The following CAGE1 variants were observed in gnomAD, a reference collection of about 807,000 sequenced individuals.
The protein encoded by CAGE1 is cancer-associated gene 1 protein.
CAGE1 carries 66 observed loss-of-function variants against 94.9 expected under a neutral mutation model. The ratio of observed to expected loss-of-function variants is 0.70; its 90% CI spans 0.57 to 0.85. The LOEUF (loss-of-function observed/expected upper bound fraction) is 0.85, where lower values mean the gene tolerates loss of function less well. Ranked by LOEUF, CAGE1 falls within the 40% of genes least tolerant of loss-of-function variation. The pLI, the probability that CAGE1 is intolerant of heterozygous loss-of-function variation, is 0.00. For missense variants in CAGE1, 865 were observed against 950.4 expected (o/e 0.91, Z 1.18); for synonymous variants, 319 against 321.0 (o/e 0.99, Z 0.07).
chr6:7,345,446 A>T (rs2477479), intron 11 of CAGE1, among the ~76,000 whole-genome samples: 20,018 of 152,104 alleles, frequency 0.13, 1,552 homozygotes, highest in East Asian at 0.3. Flanking sequence ...TTCATTCTTG[A>T]AGTGAGACCA....
chr6:7,381,037 CCTT>C (rs1263459409), intron 3 of CAGE1, among the ~76,000 whole-genome samples: 1 of 152,166 alleles, frequency 6.6e-6, no homozygotes, highest in Non-Finnish European at 1.5e-5. Context: ...TTTACTGTGA[CCTT>C]CTTAATGTAC....
intron 11 of CAGE1, among the ~76,000 whole-genome samples, chr6:7,337,218 T>C (rs1228561251): frequency 6.6e-6 from 1 of 151,620 alleles, no homozygotes; most frequent in Non-Finnish European, 1.5e-5. Context: ...TCCCAGCTAC[T>C]TGAGAGGCTG....
chr6:7,374,036 C>G lies in CAGE1; in HGVS notation c.783G>C (p.Arg261Ser). ...AAGACCAAGTTGAGACAATTTCTGG[C>G]CTCTCCACACCCTCTGCTGTGACTT... Reference protein sequence around the residue: ...EKEVTAEGVERPEIVSTWSSA... With the variant: ...EKEVTAEGVESPEIVSTWSSA... Residue 261 changes from arginine to serine, a missense_variant, in exon 5 of 14, where the codon AGG becomes AGC. Arg to Ser is a moderately radical substitution (Grantham distance 110, BLOSUM62 -1). Coordinates refer to ENST00000502583, the MANE Select transcript of CAGE1 (RefSeq NM_001170692.2). The G allele has an allele frequency of 6.2e-7, 1 of 1,613,990 alleles. No individual in the cohort carries two copies.
At chr6:7,343,210 A>AAAG (rs1298439565) in intron 11 of CAGE1, among the ~76,000 whole-genome samples, 2 of 151,980 alleles carry the variant, frequency 1.3e-5, no homozygotes, top group East Asian at 3.9e-4. Flanking sequence ...AAAGAAAAGA[A>AAAG]AAGAAAAGAA....
intron 2 of CAGE1, among the ~76,000 whole-genome samples, chr6:7,386,626 G>A (rs550982271): frequency 3.9e-5 from 6 of 152,084 alleles, no homozygotes; most frequent in Admixed American, 6.5e-5. Flanking sequence ...TTGCTCTCTC[G>A]CATAGGCTGG....
chr6:7,368,634 A>G (rs568508002), intron 7 of CAGE1, 54 bp downstream of exon 7: 1 of 946,216 alleles, frequency 1.1e-6, no homozygotes, highest in East Asian at 2.7e-5. Flanking sequence ...CTACCTTTTA[A>G]CTATTTTTTC....
intron 11 of CAGE1, among the ~76,000 whole-genome samples, chr6:7,340,400 C>T (rs1011819899): frequency 4.6e-5 from 7 of 151,988 alleles, no homozygotes; most frequent in African/African-American, 4.8e-5. Context: ...GCTTTTGCTG[C>T]GCAGAAACTT....
chr6:7,384,112 T>C (rs1318533741), intron 3 of CAGE1, among the ~76,000 whole-genome samples: 2 of 152,160 alleles, frequency 1.3e-5, no homozygotes, highest in Admixed American at 1.3e-4. Context: ...ATAGCACTTA[T>C]TGTCGCCCAG....
intron 11 of CAGE1, among the ~76,000 whole-genome samples, chr6:7,349,981 T>G (rs993594940): frequency 1.2e-4 from 18 of 148,886 alleles, no homozygotes; most frequent in African/African-American, 4.5e-4. Flanking sequence ...AAAAAAGAAC[T>G]CATCAACCAA....
chr6:7,345,718 G>A lies in CAGE1; in HGVS notation c.2369+9323C>T, dbSNP rs571305980. The stretch of plus-strand genomic sequence containing the variant: ...TGAGGCGGGCAGATCATGAGGTCAG[G>A]AAATTGAGACCATCCTGGCTGACTA... On this transcript the variant is annotated intron_variant, in intron 11 of 13. Coordinates refer to ENST00000502583, the MANE Select transcript of CAGE1 (RefSeq NM_001170692.2). 3.3e-5 allele frequency among the ~76,000 whole-genome samples: 5 copies of A among 151,932 alleles called. No individual in the cohort carries two copies. In the East Asian group the frequency reaches 5.8e-4, roughly 18 times the overall value.
intron 11 of CAGE1, among the ~76,000 whole-genome samples, chr6:7,349,857 A>G (rs751392451): frequency 1.1e-4 from 16 of 150,998 alleles, no homozygotes; most frequent in Non-Finnish European, 2.2e-4. Context: ...GCTTGAGCCC[A>G]GGGGCCAAGG....
chr6:7,368,996 T>C (rs1425298319), intron 6 of CAGE1, among the ~76,000 whole-genome samples, 198 bp from the exon 7 acceptor site: 3 of 144,928 alleles, frequency 2.1e-5, no homozygotes, highest in African/African-American at 7.6e-5. Context: ...AAAGATTTCA[T>C]TTTTTTTATT....
At chr6:7,327,435 A>G (rs1039053056) in intron 13 of CAGE1, among the ~76,000 whole-genome samples, 1 of 151,926 alleles carries the variant, frequency 6.6e-6, no homozygotes, top group African/African-American at 2.4e-5. Flanking sequence ...GAGCCACCAC[A>G]CCTGGCCCCC....
intron 9 of CAGE1, among the ~76,000 whole-genome samples, chr6:7,359,025 G>C (rs1383841725): frequency 6.6e-6 from 1 of 151,904 alleles, no homozygotes; most frequent in African/African-American, 2.4e-5. Flanking sequence ...CGGGTGAGTG[G>C]TATTCTCTGT....
intron 3 of CAGE1, among the ~76,000 whole-genome samples, chr6:7,382,071 CTCG>C (rs1186970291): frequency 1.2e-4 from 18 of 151,920 alleles, no homozygotes; most frequent in Non-Finnish European, 2.2e-4. Context: ...ATCTCCTGAT[CTCG>C]TGATCCGCCC....
chr6:7,346,116 A>T (rs1264432949), intron 11 of CAGE1, among the ~76,000 whole-genome samples: 5 of 152,228 alleles, frequency 3.3e-5, no homozygotes, highest in African/African-American at 9.7e-5. Context: ...TCAAGAAATA[A>T]AGGAATAAAA....
rs567399289 is a variant in CAGE1 at position 7,338,717 on chromosome 6, T to G, written c.2370-4627A>C. 54 of 655,010 alleles carry G rather than the reference T, an allele frequency of 8.2e-5. 1 individual carries two copies. The Middle Eastern group carries it at 1.6e-3, about 20-fold the overall frequency. 40.6% of individuals were successfully genotyped at this position (655,010 alleles called of 1,614,324 possible). A position where few individuals can be genotyped will look rare whatever the true frequency, so the allele number is the denominator to read the frequency against. Reference sequence around the variant, plus strand: ...TTATCCCTCACCCCCTTCCACTCTTTCCCCCAAGTCCCCAAAGTCCACTGT... The same window carrying G: ...TTATCCCTCACCCCCTTCCACTCTTGCCCCCAAGTCCCCAAAGTCCACTGT... On this transcript the variant is annotated intron_variant, in intron 11 of 13. Transcript: ENST00000502583.
chr6:7,347,503 TGG>T lies in CAGE1; in HGVS notation c.2369+7536_2369+7537del, dbSNP rs1298515594. On this transcript the variant is annotated intron_variant, in intron 11 of 13. Transcript: ENST00000502583. ...GCCCCACAGGGATCCAAAGCGAGGG[TGG>T]GGGGGGGGGTTGGGGGGGGCGGTGG... is the stretch of plus-strand genomic sequence containing the variant. 8.5e-3 allele frequency: 255 copies of T among 29,950 alleles called. 6 individuals are homozygous for T. Among genetic ancestry groups the T allele is most frequent in the South Asian group, 0.028 (11 of 400 alleles). 1.9% of individuals were successfully genotyped at this position (29,950 alleles called of 1,614,324 possible). A position where few individuals can be genotyped will look rare whatever the true frequency, so the allele number is the denominator to read the frequency against.
chr6:7,330,153 C>A (rs1430287688), intron 12 of CAGE1, among the ~76,000 whole-genome samples: 1 of 152,056 alleles, frequency 6.6e-6, no homozygotes, highest in Non-Finnish European at 1.5e-5. Flanking sequence ...TTTGGGAGGC[C>A]CAGGTGGGTG....
Sources: allele counts gnomAD v4.1 joint callset (sites outside exome capture counted in the v4.1 genomes callset), GRCh38; gene constraint gnomAD v4.1.1; transcripts MANE v1.5; gene names NCBI Gene and HGNC (gene_info 2026-07-23, HGNC 2026-07-21).